SYNJ2: variants seen among roughly 807,000 people sequenced by gnomAD.
SYNJ2 encodes the protein polyphosphatidylinositol phosphatase SYNJ2.
SYNJ2 carries 116 observed loss-of-function variants against 141.3 expected under a neutral mutation model. The ratio of observed to expected loss-of-function variants is 0.82; its 90% CI spans 0.71 to 0.96. The LOEUF (loss-of-function observed/expected upper bound fraction) is 0.96, where lower values mean the gene tolerates loss of function less well. Ranked by LOEUF, SYNJ2 falls within the 40% of genes least tolerant of loss-of-function variation. The pLI is 0.00. For synonymous variants in SYNJ2, 745 were observed against 777.7 expected (o/e 0.96, Z 0.70); for missense variants, 1,873 against 1,934.8 (o/e 0.97, Z 0.60).
At chr6:158,090,631 G>A (rs991439236) in intron 25 of SYNJ2, among the ~76,000 whole-genome samples, 7 of 139,224 alleles carry the variant, frequency 5.0e-5, no homozygotes, top group Non-Finnish European at 9.1e-5. Flanking sequence ...TGCAACCTCC[G>A]CCTCCCAGGT....
At chr6:158,063,946 C>A in intron 9 of SYNJ2, 74 bp downstream of exon 9, 2 of 1,509,274 alleles carry the variant, frequency 1.3e-6, no homozygotes, top group Non-Finnish European at 1.8e-6. Flanking sequence ...CTGGGCTGAG[C>A]ACCTTTAGCG....
rs1296234440 is a variant in SYNJ2 at position 158,054,965 on chromosome 6, A to G, written c.796-2A>G. On this transcript the variant is annotated splice_acceptor_variant, in intron 5 of 26. Coordinates refer to ENST00000355585, the MANE Select transcript of SYNJ2 (RefSeq NM_003898.4). LOFTEE classifies it high-confidence loss of function. ...CACTGTTGTTACTTCTCTTTGCTTT[A>G]GGTTGGCTCCCATCATCTGAGACTC... is the stretch of plus-strand genomic sequence containing the variant. 3.1e-6 allele frequency: 5 copies of G among 1,614,076 alleles called. No homozygotes were observed. The highest frequency in any genetic ancestry group is 4.2e-6 in the Non-Finnish European group (5 of 1,180,000).
At position 158,096,227 on chromosome 6, in the gene SYNJ2, G is replaced by A; in HGVS notation, c.4354G>A (p.Val1452Met). Residue 1452 changes from valine to methionine, a missense_variant, in exon 27 of 27, where the codon GTG becomes ATG. Coordinates refer to ENST00000355585, the MANE Select transcript of SYNJ2 (RefSeq NM_003898.4). ...CCCCAAAAGAGATCCCATAGACCCAGTGTCAGCTGGCGCTTCAGCTGCCAA... is the reference window on the plus strand; with the variant it reads ...CCCCAAAAGAGATCCCATAGACCCAATGTCAGCTGGCGCTTCAGCTGCCAA... ...RSPKRDPIDP[V>M]SAGASAAKAE... The A allele has an allele frequency of 6.2e-7, 1 of 1,614,264 alleles. No individual in the cohort carries two copies. The highest frequency in any genetic ancestry group is 8.5e-7 in the Non-Finnish European group (1 of 1,180,056).
At chr6:157,984,186 C>A (rs760344262) in intron 1 of SYNJ2, among the ~76,000 whole-genome samples, 2 of 152,160 alleles carry the variant, frequency 1.3e-5, no homozygotes, top group African/African-American at 2.4e-5. Context: ...TAAAATGAAA[C>A]TATTTTTAAA....
rs1166823458 is a variant in SYNJ2, at chr6:158,059,226, C to T, written c.858-31C>T. 13 of 1,525,546 alleles carry T rather than the reference C, an allele frequency of 8.5e-6. 1 individual carries two copies. In the South Asian group the frequency reaches 1.4e-4, roughly 16 times the overall value. The allele number at this position is 1,525,546 out of a possible 1,614,324, so 94.5% of individuals were successfully genotyped here. A position where few individuals can be genotyped will look rare whatever the true frequency, so the allele number is the denominator to read the frequency against. ...CAGAGTCTGCACCTGTGCCCGTGCC[C>T]AGCATCACGCCCACCCCGCTGCCTT... On this transcript the variant is annotated intron_variant, in intron 6 of 26. Transcript: ENST00000355585.
At chr6:158,039,198 C>T (rs1779802249) in intron 4 of SYNJ2, among the ~76,000 whole-genome samples, 1 of 152,246 alleles carries the variant, frequency 6.6e-6, no homozygotes, top group South Asian at 2.1e-4. Flanking sequence ...TATAGCAGTA[C>T]TGATGCTTAG....
At chr6:158,048,501 G>C (rs753085571) in intron 5 of SYNJ2, among the ~76,000 whole-genome samples, 1 of 152,196 alleles carries the variant, frequency 6.6e-6, no homozygotes, top group Non-Finnish European at 1.5e-5. Context: ...CATACCAGCA[G>C]CTACTCAAGC....
chr6:157,992,629 C>T (rs1418059351), intron 1 of SYNJ2, among the ~76,000 whole-genome samples: 1 of 152,002 alleles, frequency 6.6e-6, no homozygotes, highest in Admixed American at 6.6e-5. Context: ...AACTCCTGAC[C>T]TCTGGTGATC....
At chr6:157,984,805 AC>A (rs1777137910) in intron 1 of SYNJ2, among the ~76,000 whole-genome samples, 1 of 151,962 alleles carries the variant, frequency 6.6e-6, no homozygotes, top group South Asian at 2.1e-4. Context: ...TTGACCTTTC[AC>A]CCTTTCCTTG....
rs201082135 is a variant in SYNJ2, at chr6:158,028,716, G to A, written c.215-40G>A. The A allele has an allele frequency of 3.4e-5, 55 of 1,599,296 alleles. No homozygotes were observed. In the East Asian group the frequency reaches 6.5e-4, roughly 19 times the overall value. ...CCTTGGAGCTCCAGGCGGCCGGGCC[G>A]ACTTCGACCCTGAGCTCTCCTGTCT... is the stretch of plus-strand genomic sequence containing the variant. On this transcript the variant is annotated intron_variant, in intron 2 of 26. Coordinates refer to ENST00000355585, the MANE Select transcript of SYNJ2 (RefSeq NM_003898.4).
At chr6:157,994,556 G>A (rs576368772) in intron 1 of SYNJ2, among the ~76,000 whole-genome samples, 1 of 152,350 alleles carries the variant, frequency 6.6e-6, no homozygotes, top group Admixed American at 6.5e-5. Context: ...CCACCTGGCG[G>A]TGGGTGGCGA....
Position 158,088,659 on chromosome 6 carries a change from G to T in SYNJ2, c.3344-1G>T, listed in dbSNP as rs1256430013. The T allele has an allele frequency of 1.9e-6, 3 of 1,613,394 alleles. No homozygotes were observed. In the South Asian group the frequency reaches 3.3e-5, roughly 18 times the overall value. ...GACTCTGCCCTCGTTGGTTTTTACA[G>T]CCGGTTTAATGGTGAAAAAGTCGGC... On this transcript the variant is annotated splice_acceptor_variant, in intron 23 of 26. Coordinates refer to ENST00000355585, the MANE Select transcript of SYNJ2 (RefSeq NM_003898.4). LOFTEE classifies it high-confidence loss of function.
chr6:158,022,071 C>T (rs548321805), intron 2 of SYNJ2, among the ~76,000 whole-genome samples: 3 of 152,340 alleles, frequency 2.0e-5, no homozygotes, highest in African/African-American at 7.2e-5. Flanking sequence ...GGCCCTGAGA[C>T]CATGCCGCAT....
At chr6:158,063,993 A>T in intron 9 of SYNJ2, 121 bp downstream of exon 9, 1 of 999,056 alleles carries the variant, frequency 1.0e-6, no homozygotes, top group Non-Finnish European at 1.5e-6. Context: ...CAACCTTCTG[A>T]CTATGGGGAA....
At chr6:158,014,235 A>C (rs1778368536) in intron 1 of SYNJ2, among the ~76,000 whole-genome samples, 1 of 152,232 alleles carries the variant, frequency 6.6e-6, no homozygotes. Flanking sequence ...ACATACCTCT[A>C]TGGTGTTTGG....
At chr6:157,995,834 T>A (rs560573710) in intron 1 of SYNJ2, among the ~76,000 whole-genome samples, 2 of 152,332 alleles carry the variant, frequency 1.3e-5, no homozygotes, top group African/African-American at 4.8e-5. Flanking sequence ...AATGCCATCA[T>A]TAATCAATTA....
At chr6:158,020,293 T>G (rs1778696889) in intron 2 of SYNJ2, among the ~76,000 whole-genome samples, 2 of 138,092 alleles carry the variant, frequency 1.4e-5, no homozygotes, top group Admixed American at 7.3e-5. Flanking sequence ...TCCGACTGTG[T>G]GACCCCCACC....
intron 2 of SYNJ2, among the ~76,000 whole-genome samples, chr6:158,018,006 A>G (rs1230710149): frequency 6.6e-6 from 1 of 151,900 alleles, no homozygotes; most frequent in East Asian, 1.9e-4. Flanking sequence ...GGACCAGGGC[A>G]GATGCCCGGG....
In SYNJ2 at chr6:158,098,181, C is replaced by T. The variant is rs1783885750; in HGVS notation, c.*1817C>T. 6.6e-6 allele frequency: 1 copy of T among 152,162 alleles called. No homozygotes were observed. Among genetic ancestry groups the T allele is most frequent in the South Asian group, 2.1e-4 (1 of 4,832 alleles). The allele number at this position is 152,162 out of a possible 1,614,324, so 9.4% of individuals were successfully genotyped here. A position where few individuals can be genotyped will look rare whatever the true frequency, so the allele number is the denominator to read the frequency against. ...ACCAAAAAGGAGATAAATTTGAAAA[C>T]AGATAAATGTAACAACCAGTCAAAG... On this transcript the variant is annotated 3_prime_UTR_variant, in exon 27 of 27. Transcript: ENST00000355585.
Sources: allele counts gnomAD v4.1 joint callset (sites outside exome capture counted in the v4.1 genomes callset), GRCh38; gene constraint gnomAD v4.1.1; transcripts MANE v1.5; gene names NCBI Gene and HGNC (gene_info 2026-07-23, HGNC 2026-07-21).